Variants in FBH1 observed in about 807,000 individuals in gnomAD.
FBH1 encodes DNA 3'-5' helicase 1.
A neutral mutation model predicts 115.5 loss-of-function variants in FBH1; 43 were observed. That is an observed-to-expected ratio of 0.37 (90% CI 0.29 to 0.48). FBH1 has a LOEUF of 0.48. FBH1 is among the 20% of genes least tolerant of loss of function. The pLI is 0.99. For missense variants in FBH1, 1,001 were observed against 1,337.3 expected (o/e 0.75, Z 3.92); for synonymous variants, 524 against 507.8 (o/e 1.03, Z -0.43).
chr10:5,900,925 C>T lies in FBH1; in HGVS notation c.2-2095C>T, dbSNP rs768511031. On this transcript the variant is annotated intron_variant, in intron 1 of 20. Coordinates refer to ENST00000362091, the MANE Select transcript of FBH1 (RefSeq NM_178150.3). This position sits in a 1 kb window ranked among gnomAD's most constrained non-coding sequence, Gnocchi z 4.2. ...CAGCCTGGCCAACATAGTAAAACCC[C>T]GTCTCTACTAAAGATACAAAAGTTA... 1.3e-5 allele frequency among the ~76,000 whole-genome samples: 2 copies of T among 151,884 alleles called. No homozygotes were observed. The highest frequency in any genetic ancestry group is 2.9e-5 in the Non-Finnish European group (2 of 67,980).
rs531579090 is a variant in FBH1 at position 5,931,088 on chromosome 10, A to G, written c.2829+3547A>G. On this transcript the variant is annotated intron_variant, in intron 19 of 20. Coordinates refer to ENST00000362091, the MANE Select transcript of FBH1 (RefSeq NM_178150.3). The surrounding 1 kb of genome is among the most constrained non-coding windows in gnomAD (Gnocchi z 4.3). ...ACATTTTGTTGTTAAATATAACACA[A>G]GTATATAAAACAGCATATAGCAGTT... 6.6e-6 allele frequency among the ~76,000 whole-genome samples: 1 copy of G among 152,288 alleles called. No individual in the cohort carries two copies. The highest frequency in any genetic ancestry group is 2.1e-4 in the South Asian group (1 of 4,832).
rs906760008 is a variant in FBH1 at position 5,923,836 on chromosome 10, G to A, written c.2398+140G>A. ...TAGTGTTGCTGTCTTCCCATGACGA[G>A]GGGGGTGCCTCGGGCCTCCTGTTTT... On this transcript the variant is annotated intron_variant, in intron 16 of 20. Transcript: ENST00000362091. This position sits in a 1 kb window ranked among gnomAD's most constrained non-coding sequence, Gnocchi z 5.7. 23 of 742,642 alleles carry A rather than the reference G, an allele frequency of 3.1e-5. No individual in the cohort carries two copies. The highest frequency in any genetic ancestry group is 5.0e-5 in the Non-Finnish European group (23 of 457,504). The allele number at this position is 742,642 out of a possible 1,614,324, so 46.0% of individuals were successfully genotyped here. A position where few individuals can be genotyped will look rare whatever the true frequency, so the allele number is the denominator to read the frequency against.
rs1161765427 is a variant in FBH1, at chr10:5,900,587, G to C, written c.2-2433G>C. 6.6e-6 allele frequency among the ~76,000 whole-genome samples: 1 copy of C among 152,214 alleles called. No individual in the cohort carries two copies. The highest frequency in any genetic ancestry group is 2.4e-5 in the African/African-American group (1 of 41,450). On this transcript the variant is annotated intron_variant, in intron 1 of 20. Transcript: ENST00000362091. The surrounding 1 kb of genome is among the most constrained non-coding windows in gnomAD (Gnocchi z 4.2). ...CGATTTCCAGCGTCCTTTCAGAGGGGCTCTCAGAACTGCTTTTGTTTGTAG... is the reference window on the plus strand; with the variant it reads ...CGATTTCCAGCGTCCTTTCAGAGGGCCTCTCAGAACTGCTTTTGTTTGTAG...
At chr10:5,927,932 T>C (rs1832747518) in intron 19 of FBH1, among the ~76,000 whole-genome samples, 1 of 151,534 alleles carries the variant, frequency 6.6e-6, no homozygotes, top group Non-Finnish European at 1.5e-5. Context: ...ATTAGCCAGG[T>C]GTGGTGGCAT....
Position 5,895,162 on chromosome 10 carries a change from G to T in FBH1, c.1+4816G>T. Reference sequence around the variant, plus strand: ...GATGCCAGAGGACGAGTGCCCACTTGCTGGTCTTCACAGAGCACGCTGAAA... The same window carrying T: ...GATGCCAGAGGACGAGTGCCCACTTTCTGGTCTTCACAGAGCACGCTGAAA... On this transcript the variant is annotated intron_variant, in intron 1 of 20. Coordinates refer to ENST00000362091, the MANE Select transcript of FBH1 (RefSeq NM_178150.3). The surrounding 1 kb of genome is among the most constrained non-coding windows in gnomAD (Gnocchi z 5.0). 6.2e-7 allele frequency: 1 copy of T among 1,613,846 alleles called. No individual in the cohort carries two copies.
chr10:5,914,278 G>T lies in FBH1; in HGVS notation c.1396+9G>T. 6.2e-7 allele frequency: 1 copy of T among 1,613,316 alleles called. No individual in the cohort carries two copies. On this transcript the variant is annotated intron_variant, in intron 8 of 20. Coordinates refer to ENST00000362091, the MANE Select transcript of FBH1 (RefSeq NM_178150.3). The surrounding 1 kb of genome is among the most constrained non-coding windows in gnomAD (Gnocchi z 5.2). ...AATTATGGCCTTTGCCGGTAAGGGA[G>T]CCCACATCAGGTTCACGAGGTGGTG... is the stretch of plus-strand genomic sequence containing the variant.
At chr10:5,912,746 C>T (rs1328893591) in intron 6 of FBH1, among the ~76,000 whole-genome samples, 1 of 152,232 alleles carries the variant, frequency 6.6e-6, no homozygotes, top group Non-Finnish European at 1.5e-5. Flanking sequence ...TCTTGTGTAT[C>T]AGGGCCCTGC....
At chr10:5,916,878 C>T (rs1564451066) in intron 10 of FBH1, among the ~76,000 whole-genome samples, 2 of 152,266 alleles carry the variant, frequency 1.3e-5, no homozygotes, top group South Asian at 4.1e-4. Flanking sequence ...ACACTGGTGA[C>T]CATCTCACTT....
At position 5,914,330 on chromosome 10, in the gene FBH1, C is replaced by A; in HGVS notation, c.1396+61C>A. On this transcript the variant is annotated intron_variant, in intron 8 of 20. Coordinates refer to ENST00000362091, the MANE Select transcript of FBH1 (RefSeq NM_178150.3). The surrounding 1 kb of genome is among the most constrained non-coding windows in gnomAD (Gnocchi z 5.2). The stretch of plus-strand genomic sequence containing the variant: ...TTTTCTGCCTTTTCTCCCTACATCC[C>A]CTTCCCGCTACCTGCCAGGGCATCT... 1 of 1,382,576 alleles carries A rather than the reference C, an allele frequency of 7.2e-7. No individual in the cohort carries two copies. Among genetic ancestry groups the A allele is most frequent in the South Asian group, 1.2e-5 (1 of 86,230 alleles). 85.6% of individuals were successfully genotyped at this position (1,382,576 alleles called of 1,614,324 possible).
At position 5,918,427 on chromosome 10, in the gene FBH1, G is replaced by C. The variant is rs766090935; in HGVS notation, c.2049G>C (p.Ala683=). ...AGCAGATCTATACCTTCCGGGGTGC[G>C]GTCAACGCCCTGTTCACAGTGCCCC... ...PHQQIYTFRG[A]VNALFTVPHT... The change falls in exon 13 of 21, where the codon GCG becomes GCC. Residue 683 remains alanine (A), a synonymous_variant. Coordinates refer to ENST00000362091, the MANE Select transcript of FBH1 (RefSeq NM_178150.3). This position sits in a 1 kb window ranked among gnomAD's most constrained non-coding sequence, Gnocchi z 4.0. The C allele has an allele frequency of 5.0e-6, 8 of 1,612,070 alleles. No individual in the cohort carries two copies. Among genetic ancestry groups the C allele is most frequent in the Non-Finnish European group, 1.7e-6 (2 of 1,179,484 alleles).
In FBH1 at chr10:5,921,392, C is replaced by T. The variant is rs1221654502; in HGVS notation, c.2200+35C>T. The T allele has an allele frequency of 6.2e-7, 1 of 1,610,768 alleles. No homozygotes were observed. ...TTAGTTACTCTTCTCTTTTGTGTTA[C>T]AAAAGTTTTCCTCTTTATTTCAATT... On this transcript the variant is annotated intron_variant, in intron 14 of 20. Transcript: ENST00000362091. The surrounding 1 kb of genome is among the most constrained non-coding windows in gnomAD (Gnocchi z 6.4).
Position 5,935,324 on chromosome 10 carries a change from G to A in FBH1, c.2830-1132G>A, listed in dbSNP as rs1833263784. On this transcript the variant is annotated intron_variant, in intron 19 of 20. Coordinates refer to ENST00000362091, the MANE Select transcript of FBH1 (RefSeq NM_178150.3). The surrounding 1 kb of genome is among the most constrained non-coding windows in gnomAD (Gnocchi z 5.2). ...AAATACAAGAGAGCGCTGTGACTGA[G>A]TCCTCTACAGCATTTTAGAAAACCT... is the stretch of plus-strand genomic sequence containing the variant. 2 of 152,234 alleles carry A rather than the reference G, an allele frequency of 1.3e-5. No individual in the cohort carries two copies. The highest frequency in any genetic ancestry group is 4.8e-5 in the African/African-American group (2 of 41,460). 9.4% of individuals were successfully genotyped at this position (152,234 alleles called of 1,614,324 possible).
At position 5,914,751 on chromosome 10, in the gene FBH1, G is replaced by A. The variant is rs574808613; in HGVS notation, c.1396+482G>A. ...CACTCACAGCCTCCTGAAGTACTTG[G>A]TTACTCTTTCATCACAGCCTTTGCT... On this transcript the variant is annotated intron_variant, in intron 8 of 20. Transcript: ENST00000362091. This position sits in a 1 kb window ranked among gnomAD's most constrained non-coding sequence, Gnocchi z 5.2. Among the ~76,000 whole-genome samples, 2 of 152,262 alleles carry A rather than the reference G, an allele frequency of 1.3e-5. No homozygotes were observed. The highest frequency in any genetic ancestry group is 2.1e-4 in the South Asian group (1 of 4,812).
intron 9 of FBH1, 143 bp from the exon 10 acceptor site, chr10:5,916,091 A>T: frequency 1.4e-6 from 1 of 713,874 alleles, no homozygotes; most frequent in Non-Finnish European, 2.3e-6. Context: ...ACCATGCAGA[A>T]CTTTTTCGCT....
chr10:5,915,369 A>C lies in FBH1; in HGVS notation c.1397-34A>C, dbSNP rs948182509. The C allele has an allele frequency of 1.2e-6, 2 of 1,611,192 alleles. No individual in the cohort carries two copies. Among genetic ancestry groups the C allele is most frequent in the African/African-American group, 2.7e-5 (2 of 74,896 alleles). On this transcript the variant is annotated intron_variant, in intron 8 of 20. Coordinates refer to ENST00000362091, the MANE Select transcript of FBH1 (RefSeq NM_178150.3). This position sits in a 1 kb window ranked among gnomAD's most constrained non-coding sequence, Gnocchi z 5.2. ...ATCCCTGGGCATGTCTTGTCTGGTC[A>C]GAGGGTCACCTCCTTTCCTCCTGGC...
chr10:5,922,383 A>T (rs1181369607), intron 15 of FBH1, among the ~76,000 whole-genome samples: 1 of 152,176 alleles, frequency 6.6e-6, no homozygotes, highest in Non-Finnish European at 1.5e-5. Flanking sequence ...ACAGAAATGG[A>T]TGCTGTTTTT....
At position 5,913,928 on chromosome 10, in the gene FBH1, A is replaced by G; in HGVS notation, c.1304+89A>G. 1 of 1,038,186 alleles carries G rather than the reference A, an allele frequency of 9.6e-7. No individual in the cohort carries two copies. 64.3% of individuals were successfully genotyped at this position (1,038,186 alleles called of 1,614,324 possible). On this transcript the variant is annotated intron_variant, in intron 7 of 20. Transcript: ENST00000362091. The surrounding 1 kb of genome is among the most constrained non-coding windows in gnomAD (Gnocchi z 4.4). ...GGGAGATGTTTTGCTTCACTTTAGC[A>G]ACATCATTGAGGTTAATAATGTAAA...
Position 5,909,029 on chromosome 10 carries a change from A to C in FBH1, c.858A>C (p.Ser286=). ...CTAACTGTGGCATAGAAAAGGAGTC[A>C]GACCTGTGTGTGCTGAACCTCATAC... is the stretch of plus-strand genomic sequence containing the variant. ...ILSNCGIEKE[S]DLCVLNLIRY... is the part of the protein sequence containing the mutation. Residue 286 remains serine, a synonymous_variant, in exon 4 of 21, where the codon TCA becomes TCC. Transcript: ENST00000362091. The surrounding 1 kb of genome is among the most constrained non-coding windows in gnomAD (Gnocchi z 4.4). 6.2e-7 allele frequency: 1 copy of C among 1,614,234 alleles called. No homozygotes were observed. Among genetic ancestry groups the C allele is most frequent in the Non-Finnish European group, 8.5e-7 (1 of 1,180,036 alleles).
At chr10:5,894,901 G>T (rs910738635) in intron 1 of FBH1, among the ~76,000 whole-genome samples, 19 of 152,168 alleles carry the variant, frequency 1.2e-4, no homozygotes, top group Admixed American at 6.5e-4. Flanking sequence ...CATGTTAAAT[G>T]CACACTTACA....
Sources: gnomAD v4.1 joint callset for allele counts (sites outside exome capture counted in the v4.1 genomes callset) on GRCh38, gnomAD v4.1.1 for gene constraint, Gnocchi (gnomAD v3.1) non-coding constraint, MANE v1.5 for transcripts, NCBI Gene and HGNC (gene_info 2026-07-23, HGNC 2026-07-21) for gene names.